The following CACNB2 variants were observed in gnomAD, a reference collection of about 807,000 sequenced individuals.
CACNB2 encodes voltage-dependent L-type calcium channel subunit beta-2.
In CACNB2, 42 loss-of-function variants were observed where a neutral mutation model predicts 73.3. That is an observed-to-expected ratio of 0.57 (90% CI 0.45 to 0.74). The LOEUF (loss-of-function observed/expected upper bound fraction) is 0.74. CACNB2 is among the 30% of genes least tolerant of loss of function. The pLI is 0.00. For missense variants in CACNB2, 940 were observed against 853.0 expected, an observed-to-expected ratio of 1.10 and a Z score of -1.27; for synonymous variants, 348 against 310.3, an observed-to-expected ratio of 1.12 and a Z score of -1.28.
At chr10:18,143,658 G>C (rs76236127) in intron 1 of CACNB2, among the ~76,000 whole-genome samples, 3,977 of 152,188 alleles carry the variant, frequency 0.026, 74 homozygotes, top group Middle Eastern at 0.099. Flanking sequence ...TGTGAGGCTT[G>C]GGAAAGCCAT....
At chr10:18,227,097 A>T (rs1309423505) in intron 2 of CACNB2, among the ~76,000 whole-genome samples, 2 of 152,226 alleles carry the variant, frequency 1.3e-5, no homozygotes, top group African/African-American at 4.8e-5. Flanking sequence ...ATGATAAAAC[A>T]ACACGTTTTC....
intron 2 of CACNB2, among the ~76,000 whole-genome samples, chr10:18,337,446 T>C (rs998687782): frequency 2.6e-5 from 4 of 152,218 alleles, no homozygotes; most frequent in Non-Finnish European, 5.9e-5. Flanking sequence ...GCATTTGTTA[T>C]GTAATGGAAG....
intron 6 of CACNB2, among the ~76,000 whole-genome samples, chr10:18,511,637 G>T (rs1325196488): frequency 6.6e-6 from 1 of 152,166 alleles, no homozygotes; most frequent in Non-Finnish European, 1.5e-5. Flanking sequence ...ATGCTTTCCT[G>T]CAGTGAGTAA....
At chr10:18,503,121 T>G (rs762467372) in intron 5 of CACNB2, among the ~76,000 whole-genome samples, 70 of 152,144 alleles carry the variant, frequency 4.6e-4, no homozygotes, top group Non-Finnish European at 8.2e-4. Context: ...ATTAAACTTT[T>G]GTTGAAAATG....
chr10:18,426,358 G>T (rs148471618), intron 3 of CACNB2, among the ~76,000 whole-genome samples: 5 of 152,236 alleles, frequency 3.3e-5, no homozygotes, highest in Admixed American at 1.3e-4. Context: ...AGTTACTACA[G>T]TCTCTCTCAC....
intron 3 of CACNB2, among the ~76,000 whole-genome samples, chr10:18,413,178 A>C (rs1805912414): frequency 6.6e-6 from 1 of 151,970 alleles, no homozygotes; most frequent in African/African-American, 2.4e-5. Flanking sequence ...CACCCTGTTG[A>C]CCAGGCTGGT....
At chr10:18,199,783 A>T (rs2034792449) in intron 2 of CACNB2, among the ~76,000 whole-genome samples, 1 of 152,142 alleles carries the variant, frequency 6.6e-6, no homozygotes, top group African/African-American at 2.4e-5. Flanking sequence ...GAAGGAGGAA[A>T]ACCAGAGAAG....
chr10:18,373,342 T>A (rs900783060), intron 2 of CACNB2, among the ~76,000 whole-genome samples: 4 of 152,232 alleles, frequency 2.6e-5, no homozygotes, highest in African/African-American at 9.6e-5. Flanking sequence ...TACTGCTATA[T>A]TTTGGTCTCC....
At chr10:18,529,348 A>C (rs2052773627) in intron 10 of CACNB2, among the ~76,000 whole-genome samples, 1 of 152,224 alleles carries the variant, frequency 6.6e-6, no homozygotes, top group Non-Finnish European at 1.5e-5. Context: ...GAAGCCCATG[A>C]ATAAAAAAAG....
At chr10:18,382,543 C>A (rs898228831) in intron 2 of CACNB2, among the ~76,000 whole-genome samples, 15 of 152,108 alleles carry the variant, frequency 9.9e-5, no homozygotes, top group African/African-American at 3.6e-4. Flanking sequence ...CTTCTCCCTT[C>A]CCCACCCACC....
rs558473630 is a variant in CACNB2, at chr10:18,520,895, CCT to C, written c.944+1930_944+1931del. ...ACATTTGTTCTGTGTCTCTCCTTTC[CCT>C]CTGTTTTCTAGTGCTCTTTTATGTA... On this transcript the variant is annotated intron_variant, in intron 9 of 13. Transcript: ENST00000324631. 5.5e-3 allele frequency among the ~76,000 whole-genome samples: 840 copies of C among 152,288 alleles called. 7 individuals carry two copies. Among genetic ancestry groups the C allele is most frequent in the African/African-American group, 0.019 (780 of 41,566 alleles).
At chr10:18,206,671 A>G (rs1325946305) in intron 2 of CACNB2, 1 of 152,318 alleles carries the variant, frequency 6.6e-6, no homozygotes, top group Non-Finnish European at 1.5e-5. Flanking sequence ...GCAGATTCTC[A>G]CATGAACGTC....
At chr10:18,168,003 C>T (rs2032973797) in intron 2 of CACNB2, among the ~76,000 whole-genome samples, 1 of 152,150 alleles carries the variant, frequency 6.6e-6, no homozygotes, top group Non-Finnish European at 1.5e-5. Flanking sequence ...CTGGTGAAGC[C>T]ACTTAGGATA....
intron 2 of CACNB2, among the ~76,000 whole-genome samples, chr10:18,315,521 A>AAAC (rs2040143159): frequency 7.6e-6 from 1 of 131,124 alleles, no homozygotes; most frequent in Non-Finnish European, 1.7e-5. Flanking sequence ...AAAAAAAAAA[A>AAAC]AAAAAAACTT....
At chr10:18,418,538 A>C (rs1213806830) in intron 3 of CACNB2, among the ~76,000 whole-genome samples, 1 of 152,144 alleles carries the variant, frequency 6.6e-6, no homozygotes, top group Admixed American at 6.6e-5. Flanking sequence ...AAGATTGAAA[A>C]CCTAACTTGG....
intron 2 of CACNB2, among the ~76,000 whole-genome samples, chr10:18,352,484 C>T (rs1161642308): frequency 1.3e-5 from 2 of 152,134 alleles, no homozygotes; most frequent in African/African-American, 4.8e-5. Flanking sequence ...AAAGAGAAAC[C>T]AGGAATAATC....
intron 2 of CACNB2, among the ~76,000 whole-genome samples, chr10:18,337,854 A>C (rs958666729): frequency 1.3e-5 from 2 of 152,224 alleles, no homozygotes; most frequent in African/African-American, 2.4e-5. Flanking sequence ...GGTGTACAAC[A>C]TGATGTTTTG....
At chr10:18,486,013 C>T (rs1363345620) in intron 3 of CACNB2, among the ~76,000 whole-genome samples, 7 of 150,154 alleles carry the variant, frequency 4.7e-5, no homozygotes, top group Non-Finnish European at 1.0e-4. Flanking sequence ...TATGAATTTT[C>T]CTTTTATGTT....
chr10:18,409,166 T>G (rs960474432), intron 3 of CACNB2, among the ~76,000 whole-genome samples: 9 of 152,100 alleles, frequency 5.9e-5, no homozygotes, highest in East Asian at 1.9e-4. Flanking sequence ...GGGTGTGGTG[T>G]TGTGCATCTG....
Sources: allele counts gnomAD v4.1 joint callset (sites outside exome capture counted in the v4.1 genomes callset), GRCh38; gene constraint gnomAD v4.1.1; transcripts MANE v1.5; gene names NCBI Gene and HGNC (gene_info 2026-07-23, HGNC 2026-07-21).